The following FAT4 variants were observed in gnomAD, a reference collection of about 807,000 sequenced individuals.
FAT4 encodes protocadherin Fat 4.
FAT4 carries 84 observed loss-of-function variants against 303.9 expected under a neutral mutation model. That is an observed-to-expected ratio of 0.28 (90% CI 0.23 to 0.33). The LOEUF is 0.33. FAT4 is among the 10% of genes least tolerant of loss of function. The pLI is 1.00. For synonymous variants in FAT4, 2,307 were observed against 2,298.8 expected (o/e 1.00, Z -0.10); for missense variants, 6,005 against 6,146.8 (o/e 0.98, Z 0.77).
At chr4:125,459,627 G>C (rs944599005) in intron 10 of FAT4, among the ~76,000 whole-genome samples, 1 of 152,016 alleles carries the variant, frequency 6.6e-6, no homozygotes, top group Admixed American at 6.6e-5. Flanking sequence ...AGCTGCTATG[G>C]CAGTAAACAT....
intron 2 of FAT4, among the ~76,000 whole-genome samples, chr4:125,323,644 C>T (rs1034434707): frequency 6.6e-6 from 1 of 152,090 alleles, no homozygotes; most frequent in African/African-American, 2.4e-5. Flanking sequence ...ATATTGAAAG[C>T]AGTGGTTGTG....
At chr4:125,417,552 G>A (rs1411530084) in intron 7 of FAT4, among the ~76,000 whole-genome samples, 3 of 152,134 alleles carry the variant, frequency 2.0e-5, no homozygotes, top group Non-Finnish European at 2.9e-5. Flanking sequence ...CAGATCAGAT[G>A]TGTGAAGATT....
At chr4:125,374,742 C>G (rs948646010) in intron 2 of FAT4, among the ~76,000 whole-genome samples, 1 of 152,050 alleles carries the variant, frequency 6.6e-6, no homozygotes, top group Non-Finnish European at 1.5e-5. Flanking sequence ...GCTGAATTCT[C>G]CACTCAATGA....
intron 16 of FAT4, 46 bp downstream of exon 16, chr4:125,481,784 C>T (rs2126087468): frequency 3.9e-6 from 6 of 1,528,986 alleles, no homozygotes; most frequent in Non-Finnish European, 5.4e-6. Flanking sequence ...GACCGCCTGC[C>T]GTGTAGTGGT....
At chr4:125,332,159 C>CTTTT (rs199702900) in intron 2 of FAT4, among the ~76,000 whole-genome samples, 5 of 133,302 alleles carry the variant, frequency 3.8e-5, no homozygotes, top group Non-Finnish European at 7.9e-5. Context: ...CCGTTCCATT[C>CTTTT]TTTTTTTTTT....
chr4:125,368,541 A>T (rs144703464), intron 2 of FAT4, among the ~76,000 whole-genome samples: 12,279 of 141,158 alleles, frequency 0.087, 1,358 homozygotes, highest in African/African-American at 0.24. Flanking sequence ...TATATATATA[A>T]AAATCATATT....
rs1326945135 is a variant in FAT4, at chr4:125,461,827, T to C, written c.11801-1736T>C. ...GTGCTGTAAGAAAAAAAAATCTACA[T>C]CACTAAAATGGCCTTCACATAATCA... On this transcript the variant is annotated intron_variant, in intron 10 of 17. Transcript: ENST00000394329. Among the ~76,000 whole-genome samples, 4 of 151,954 alleles carry C rather than the reference T, an allele frequency of 2.6e-5. No individual in the cohort carries two copies. In the East Asian group the frequency reaches 5.8e-4, roughly 22 times the overall value.
rs779040505 is a variant in FAT4, at chr4:125,487,392, G to C, written c.12870G>C (p.Gly4290=). ...TTACATCCGATGCAGGAATTGCTGG[G>C]AAAGTGGAGAGAAATATTCCTGAAG... ...VYFTSDAGIA[G]KVERNIPEVY... Residue 4290 remains glycine, a synonymous_variant, in exon 17 of 18, where the codon GGG becomes GGC. Transcript: ENST00000394329. 1.4e-5 allele frequency: 22 copies of C among 1,613,978 alleles called. No homozygotes were observed. In the South Asian group the frequency reaches 2.4e-4, roughly 18 times the overall value.
Position 125,451,232 on chromosome 4 carries a change from C to G in FAT4, c.10222C>G (p.Leu3408Val), listed in dbSNP as rs1480958037. ...LDANDPPIFT[L>V]NIYSVQISEG... ...TGCAAATGACCCACCCATTTTTACT[C>G]TAAACATCTACAGTGTGCAGATCAG... Residue 3408 changes from leucine to valine, a missense_variant, in exon 10 of 18, where the codon CTA (leucine) becomes GTA (valine). Leu to Val is a conservative substitution (Grantham distance 32). Coordinates refer to ENST00000394329, the MANE Select transcript of FAT4 (RefSeq NM_001291303.3). 3 of 1,614,092 alleles carry G rather than the reference C, an allele frequency of 1.9e-6. No individual in the cohort carries two copies. Among genetic ancestry groups the G allele is most frequent in the Non-Finnish European group, 2.5e-6 (3 of 1,180,024 alleles).
Position 125,490,556 on chromosome 4 carries a change from C to T in FAT4, c.13740C>T (p.Asn4580=), listed in dbSNP as rs1727590878. The change falls in exon 18 of 18, where the codon AAC becomes AAT. Residue 4580 remains asparagine (N), a synonymous_variant. Transcript: ENST00000394329. ...DMTVRKQPEG[N]PKPDIIEREN... is the part of the protein sequence containing the mutation. ...CTGTGAGGAAGCAGCCTGAAGGGAA[C>T]CCAAAACCAGATATCATTGAAAGGG... 1 of 1,614,124 alleles carries T rather than the reference C, an allele frequency of 6.2e-7. No individual in the cohort carries two copies. The highest frequency in any genetic ancestry group is 8.5e-7 in the Non-Finnish European group (1 of 1,180,014).
At chr4:125,391,668 GA>G (rs1206668067) in intron 2 of FAT4, among the ~76,000 whole-genome samples, 2 of 151,646 alleles carry the variant, frequency 1.3e-5, no homozygotes, top group African/African-American at 2.4e-5. Flanking sequence ...TGTTTTAAAA[GA>G]AAAAAATAGT....
At chr4:125,469,378 G>A (rs890037091) in intron 12 of FAT4, among the ~76,000 whole-genome samples, 1 of 152,224 alleles carries the variant, frequency 6.6e-6, no homozygotes, top group Non-Finnish European at 1.5e-5. Context: ...AACAGGAAAC[G>A]TTGTCACATT....
chr4:125,336,859 G>C (rs991688730), intron 2 of FAT4, among the ~76,000 whole-genome samples: 1 of 152,064 alleles, frequency 6.6e-6, no homozygotes, highest in East Asian at 1.9e-4. Flanking sequence ...GAACTAGAGT[G>C]ATAGGCGGGA....
Position 125,448,803 on chromosome 4 carries a change from G to T in FAT4, c.7793G>T (p.Gly2598Val). 3.7e-6 allele frequency: 6 copies of T among 1,609,898 alleles called. No individual in the cohort carries two copies. Among genetic ancestry groups the T allele is most frequent in the Non-Finnish European group, 5.1e-6 (6 of 1,179,888 alleles). Residue 2598 changes from glycine (G) to valine (V), a missense_variant, in exon 10 of 18, where the codon GGA becomes GTA. By Grantham distance (109) the Gly-to-Val change is moderately radical. Transcript: ENST00000394329. ...VTTITGSSLR[G>V]EPMSYYIASG... ...ACCATCACAGGATCCTCTTTAAGAG[G>T]AGAACCTATGTCATATTATATCGCA...
At chr4:125,387,210 A>G (rs1733788352) in intron 2 of FAT4, among the ~76,000 whole-genome samples, 1 of 152,236 alleles carries the variant, frequency 6.6e-6, no homozygotes, top group African/African-American at 2.4e-5. Flanking sequence ...CAACTGAAAT[A>G]GAATAGCATA....
At position 125,407,073 on chromosome 4, in the gene FAT4, T is replaced by G. The variant is rs748063320; in HGVS notation, c.5501T>G (p.Val1834Gly). ...DMRINITVSDVNDHTPKFSRP... is the reference protein window; with the variant it reads ...DMRINITVSDGNDHTPKFSRP... ...AGAATTAATATCACTGTCAGTGATGTGAATGACCATACACCCAAATTTTCC... is the reference window on the plus strand; with the variant it reads ...AGAATTAATATCACTGTCAGTGATGGGAATGACCATACACCCAAATTTTCC... The change falls in exon 4 of 18, where the codon GTG (valine) becomes GGG (glycine). Residue 1834 changes from valine (V) to glycine (G), a missense_variant. Physicochemically the swap from Val to Gly is moderately radical, Grantham distance 109 (BLOSUM62 -3). Transcript: ENST00000394329. The G allele has an allele frequency of 5.6e-5, 91 of 1,613,676 alleles. No homozygotes were observed. Among genetic ancestry groups the G allele is most frequent in the Non-Finnish European group, 7.3e-5 (86 of 1,179,814 alleles).
At chr4:125,440,933 T>C (rs1018596131) in intron 8 of FAT4, among the ~76,000 whole-genome samples, 2 of 152,100 alleles carry the variant, frequency 1.3e-5, no homozygotes, top group African/African-American at 4.8e-5. Context: ...AGTGGACAAA[T>C]TCTCATGTTT....
intron 2 of FAT4, among the ~76,000 whole-genome samples, chr4:125,346,700 G>T (rs1732017147): frequency 6.6e-6 from 1 of 151,988 alleles, no homozygotes; most frequent in Non-Finnish European, 1.5e-5. Context: ...CGGTTCACAA[G>T]AATTCAAGGA....
At position 125,491,362 on chromosome 4, in the gene FAT4, C is replaced by G; in HGVS notation, c.14546C>G (p.Ser4849Cys). The change falls in exon 18 of 18, where the codon TCT (serine) becomes TGT (cysteine). Residue 4849 changes from serine (S) to cysteine (C), a missense_variant. Physicochemically the swap from Ser to Cys is moderately radical, Grantham distance 112 (BLOSUM62 -1). Transcript: ENST00000394329. ...TCTTCTGATAGTGACTCCCATGAAT[C>G]TTTCACTTGCTCAGAAATGGAATAT... ...ESSSDSDSHE[S>C]FTCSEMEYDR... 1 of 1,614,206 alleles carries G rather than the reference C, an allele frequency of 6.2e-7. No individual in the cohort carries two copies. Among genetic ancestry groups the G allele is most frequent in the Non-Finnish European group, 8.5e-7 (1 of 1,180,028 alleles).
Sources: gnomAD v4.1 joint callset for allele counts (sites outside exome capture counted in the v4.1 genomes callset) on GRCh38, gnomAD v4.1.1 for gene constraint, MANE v1.5 for transcripts, NCBI Gene and HGNC (gene_info 2026-07-23, HGNC 2026-07-21) for gene names.